Variants in CAB39 observed in about 807,000 individuals in gnomAD.
CAB39 encodes calcium binding protein 39.
A neutral mutation model predicts 40.0 loss-of-function variants in CAB39; 8 were observed. The ratio of observed to expected loss-of-function variants is 0.20; its 90% CI spans 0.12 to 0.36. CAB39 has a LOEUF of 0.36. Among genes scored for constraint, CAB39 ranks in the 10% least tolerant of loss-of-function variants. CAB39 has a pLI of 1.00. For missense variants in CAB39, 270 were observed against 401.1 expected, an observed-to-expected ratio of 0.67 and a Z score of 2.79; for synonymous variants, 156 against 141.6, an observed-to-expected ratio of 1.10 and a Z score of -0.72.
chr2:230,716,844 T>C (rs1434377150), intron 1 of CAB39, among the ~76,000 whole-genome samples: 1 of 152,030 alleles, frequency 6.6e-6, no homozygotes, highest in African/African-American at 2.4e-5. Flanking sequence ...TCCACAAAAA[T>C]AAAAAATTAG....
At chr2:230,727,495 G>T (rs1694608169) in intron 1 of CAB39, among the ~76,000 whole-genome samples, 1 of 149,226 alleles carries the variant, frequency 6.7e-6, no homozygotes, top group Non-Finnish European at 1.5e-5. Flanking sequence ...GCTCACTGTA[G>T]CCTCAACCTT....
intron 2 of CAB39, among the ~76,000 whole-genome samples, chr2:230,789,207 T>C (rs1439565965): frequency 1.3e-5 from 2 of 152,242 alleles, no homozygotes; most frequent in Non-Finnish European, 2.9e-5. Flanking sequence ...GTTTTATTTC[T>C]AAGTGTTTCA....
intron 1 of CAB39, among the ~76,000 whole-genome samples, chr2:230,745,059 G>A (rs1575915787): frequency 6.6e-6 from 1 of 152,152 alleles, no homozygotes; most frequent in Non-Finnish European, 1.5e-5. Flanking sequence ...TTAACAGAAA[G>A]CCTTTTTTAA....
intron 2 of CAB39, among the ~76,000 whole-genome samples, chr2:230,788,551 G>T (rs1411741764): frequency 6.6e-6 from 1 of 152,056 alleles, no homozygotes; most frequent in Non-Finnish European, 1.5e-5. Context: ...TTTTTCTTCA[G>T]CCAGTAGGAC....
At chr2:230,724,576 G>GA (rs2124860576) in intron 1 of CAB39, among the ~76,000 whole-genome samples, 1 of 151,962 alleles carries the variant, frequency 6.6e-6, no homozygotes, top group African/African-American at 2.4e-5. Context: ...AGCTACTTGG[G>GA]AGGCTGAGGC....
At chr2:230,752,037 C>A (rs1019640169) in intron 1 of CAB39, 1 of 93,784 alleles carries the variant, frequency 1.1e-5, no homozygotes, top group Non-Finnish European at 2.5e-5. Context: ...CCACCCCCCC[C>A]CCCCCCACAT....
rs186617986 is a variant in CAB39, at chr2:230,726,490, A to G, written c.-44+13260A>G. Among the ~76,000 whole-genome samples, 5 of 152,050 alleles carry G rather than the reference A, an allele frequency of 3.3e-5. No individual in the cohort carries two copies. In the East Asian group the frequency reaches 9.7e-4, roughly 29 times the overall value. On this transcript the variant is annotated intron_variant, in intron 1 of 8. Transcript: ENST00000258418. ...CCTGGTCTCATTTTGATGTTTTTAT[A>G]GGATCCTTTTACTTGTGTTCATTAT... is the stretch of plus-strand genomic sequence containing the variant.
chr2:230,724,312 T>A (rs577238091), intron 1 of CAB39, among the ~76,000 whole-genome samples: 1 of 151,824 alleles, frequency 6.6e-6, no homozygotes, highest in East Asian at 1.9e-4. Flanking sequence ...AGGAGGCATG[T>A]GGTAAAAAGT....
chr2:230,817,718 T>G (rs1696427204), intron 7 of CAB39, 36 bp from the exon 8 acceptor site: 2 of 1,511,260 alleles, frequency 1.3e-6, no homozygotes, highest in Non-Finnish European at 9.0e-7. Flanking sequence ...TTCTTTAAGT[T>G]TTAATAACAA....
At chr2:230,807,110 A>G (rs1696209469) in intron 5 of CAB39, among the ~76,000 whole-genome samples, 1 of 152,110 alleles carries the variant, frequency 6.6e-6, no homozygotes. Context: ...CCCTCTGCTG[A>G]CTGACCTAGC....
At chr2:230,759,276 G>C (rs1695248284) in intron 1 of CAB39, among the ~76,000 whole-genome samples, 1 of 152,192 alleles carries the variant, frequency 6.6e-6, no homozygotes, top group African/African-American at 2.4e-5. Flanking sequence ...CCGAGGAAGT[G>C]TGTGCCATAT....
At chr2:230,724,836 G>A (rs1246080689) in intron 1 of CAB39, among the ~76,000 whole-genome samples, 2 of 148,964 alleles carry the variant, frequency 1.3e-5, no homozygotes, top group Non-Finnish European at 3.0e-5. Flanking sequence ...CAAAAAAGGA[G>A]CCAAATGGTA....
chr2:230,790,518 T>G (rs1293941021), intron 2 of CAB39, among the ~76,000 whole-genome samples: 2 of 152,196 alleles, frequency 1.3e-5, no homozygotes, highest in African/African-American at 4.8e-5. Context: ...CAGAATCTCT[T>G]CATTCTTAGG....
chr2:230,775,293 T>A (rs1021971161), intron 2 of CAB39, among the ~76,000 whole-genome samples: 2 of 151,486 alleles, frequency 1.3e-5, no homozygotes, highest in African/African-American at 4.9e-5. Flanking sequence ...TGGAGTGTAG[T>A]GGTGTGATCT....
chr2:230,796,480 T>C (rs1433419665), intron 4 of CAB39, among the ~76,000 whole-genome samples: 3 of 152,140 alleles, frequency 2.0e-5, no homozygotes, highest in African/African-American at 7.2e-5. Flanking sequence ...CAAGCCTCCA[T>C]CAAAACCTGT....
intron 1 of CAB39, among the ~76,000 whole-genome samples, chr2:230,738,257 A>G (rs562049788): frequency 2.6e-5 from 4 of 152,336 alleles, no homozygotes; most frequent in African/African-American, 9.6e-5. Flanking sequence ...TGAAACACCT[A>G]GCGAATATGT....
chr2:230,793,284 T>C lies in CAB39; in HGVS notation c.351T>C (p.Val117=). Residue 117 remains valine (V), a synonymous_variant, in exon 4 of 9, where the codon GTT becomes GTC. Coordinates refer to ENST00000258418, the MANE Select transcript of CAB39 (RefSeq NM_016289.4). ...AAATTGGTACGAGAACTCCTACTGT[T>C]GAATACATCTGCACCCAACAGAATA... ...RRQIGTRTPT[V]EYICTQQNIL... The C allele has an allele frequency of 6.2e-7, 1 of 1,609,264 alleles. No homozygotes were observed. The highest frequency in any genetic ancestry group is 8.5e-7 in the Non-Finnish European group (1 of 1,176,088).
intron 5 of CAB39, among the ~76,000 whole-genome samples, chr2:230,801,785 C>CTTGAACCT (rs1696094513): frequency 6.6e-6 from 1 of 151,884 alleles, no homozygotes; most frequent in Non-Finnish European, 1.5e-5. Flanking sequence ...ATAAGAATCC[C>CTTGAACCT]TTGAACCTGG....
In CAB39 at chr2:230,743,436, C is replaced by T. The variant is rs1272244070; in HGVS notation, c.-43-16523C>T. Among the ~76,000 whole-genome samples the T allele has an allele frequency of 2.0e-5, 3 of 152,150 alleles. No homozygotes were observed. The East Asian group carries it at 5.8e-4, about 29-fold the overall frequency. ...TCCAGAAAGAGTTGTGTTAGTCTGA[C>T]AGTTTCAAGTGTGAAGAAAATACGT... On this transcript the variant is annotated intron_variant, in intron 1 of 8. Coordinates refer to ENST00000258418, the MANE Select transcript of CAB39 (RefSeq NM_016289.4).
Sources: gnomAD v4.1 joint callset for allele counts (sites outside exome capture counted in the v4.1 genomes callset) on GRCh38, gnomAD v4.1.1 for gene constraint, MANE v1.5 for transcripts, NCBI Gene and HGNC (gene_info 2026-07-23, HGNC 2026-07-21) for gene names.